TYW1B: variants seen among roughly 807,000 people sequenced by gnomAD.
TYW1B encodes S-adenosyl-L-methionine-dependent tRNA 4-demethylwyosine synthase TYW1B.
Under a neutral mutation model 86.9 loss-of-function variants are expected in TYW1B, and 73 were observed. The ratio of observed to expected loss-of-function variants is 0.84; its 90% CI spans 0.70 to 1.02. TYW1B has a LOEUF of 1.02. Among genes scored for constraint, TYW1B ranks in the 50% least tolerant of loss-of-function variants. TYW1B has a pLI of 0.00. For missense variants in TYW1B, 637 were observed against 827.4 expected (o/e 0.77, Z 2.82); for synonymous variants, 248 against 292.8 (o/e 0.85, Z 1.56).
intron 13 of TYW1B, among the ~76,000 whole-genome samples, chr7:72,598,331 A>G (rs1271358181): frequency 6.6e-6 from 1 of 152,078 alleles, no homozygotes; most frequent in Non-Finnish European, 1.5e-5. Flanking sequence ...CTCAGCTTGC[A>G]GACAGCTTAT....
chr7:72,744,483 C>T lies in TYW1B; in HGVS notation c.1082+1G>A, dbSNP rs782566385. On this transcript the variant is annotated splice_donor_variant, in intron 8 of 13. Coordinates refer to ENST00000620995, the MANE Select transcript of TYW1B (RefSeq NM_001145440.3). LOFTEE classifies it high-confidence loss of function. ...CACCATGACCTTTCATTTTTACTTACCACCAACAGAAGACACATTTATTAG... is the reference window on the plus strand; with the variant it reads ...CACCATGACCTTTCATTTTTACTTATCACCAACAGAAGACACATTTATTAG... 1 of 1,613,470 alleles carries T rather than the reference C, an allele frequency of 6.2e-7. No homozygotes were observed. The highest frequency in any genetic ancestry group is 8.5e-7 in the Non-Finnish European group (1 of 1,179,488).
chr7:72,778,319 T>C (rs1305015284), intron 6 of TYW1B, among the ~76,000 whole-genome samples: 5 of 152,210 alleles, frequency 3.3e-5, no homozygotes, highest in Non-Finnish European at 5.9e-5. Flanking sequence ...CAACAAATTA[T>C]AGCTGCTGCT....
At chr7:72,799,102 C>G (rs1554475145) in intron 6 of TYW1B, among the ~76,000 whole-genome samples, 3 of 149,346 alleles carry the variant, frequency 2.0e-5, no homozygotes, top group African/African-American at 7.4e-5. Context: ...CTTGGCCTCT[C>G]AAAGGGTTGG....
chr7:72,806,894 A>AC (rs1788505803), intron 5 of TYW1B, among the ~76,000 whole-genome samples, 172 bp downstream of exon 5: 1 of 150,362 alleles, frequency 6.7e-6, no homozygotes, highest in African/African-American at 2.5e-5. Context: ...CTCAAGCAAT[A>AC]CCCCCACCTT....
chr7:72,776,584 T>C (rs1554470606), intron 7 of TYW1B, among the ~76,000 whole-genome samples: 1 of 69,278 alleles, frequency 1.4e-5, no homozygotes, highest in Non-Finnish European at 3.2e-5. Flanking sequence ...AAAAAAGAGG[T>C]ATAGTGTAAA....
chr7:72,725,952 C>G (rs1356600220), intron 9 of TYW1B, among the ~76,000 whole-genome samples: 1 of 152,006 alleles, frequency 6.6e-6, no homozygotes, highest in Non-Finnish European at 1.5e-5. Context: ...TCTGGAGAAG[C>G]CTAACACACT....
chr7:72,636,690 CTTTT>C (rs1334443851), intron 11 of TYW1B, among the ~76,000 whole-genome samples: 3 of 148,482 alleles, frequency 2.0e-5, no homozygotes, highest in Admixed American at 6.6e-5. Context: ...TACCAGCTTT[CTTTT>C]TTATTATGAC....
At chr7:72,606,427 T>C (rs2129568177) in intron 13 of TYW1B, among the ~76,000 whole-genome samples, 1 of 152,172 alleles carries the variant, frequency 6.6e-6, no homozygotes, top group African/African-American at 2.4e-5. Context: ...TCAGAGAAGG[T>C]GAGTGGGGAA....
At chr7:72,819,056 AT>A (rs1788779583) in intron 2 of TYW1B, among the ~76,000 whole-genome samples, 1 of 152,168 alleles carries the variant, frequency 6.6e-6, no homozygotes, top group Admixed American at 6.6e-5. Context: ...ATAAAGTGAG[AT>A]TTGAGCCAAA....
intron 6 of TYW1B, among the ~76,000 whole-genome samples, chr7:72,785,385 CTAATTCTAATTATA>C (rs1554472263): frequency 2.0e-5 from 3 of 146,366 alleles, no homozygotes; most frequent in African/African-American, 5.0e-5. Context: ...AAGTTATATT[CTAATTCTAATTATA>C]TAATTCTAAT....
intron 11 of TYW1B, among the ~76,000 whole-genome samples, chr7:72,692,690 T>C (rs1814200422): frequency 6.6e-6 from 1 of 152,132 alleles, no homozygotes. Flanking sequence ...GGGCAGCTAA[T>C]TGTAATCAGA....
intron 8 of TYW1B, among the ~76,000 whole-genome samples, chr7:72,735,362 G>A (rs2129571174): frequency 6.6e-6 from 1 of 152,222 alleles, no homozygotes; most frequent in East Asian, 1.9e-4. Context: ...TTGAGGTCAG[G>A]AGTTTGAAGC....
chr7:72,699,610 A>C (rs1193437671), intron 10 of TYW1B, among the ~76,000 whole-genome samples: 11 of 151,414 alleles, frequency 7.3e-5, no homozygotes, highest in Non-Finnish European at 1.6e-4. Flanking sequence ...ACCTCAAAGT[A>C]GAATCTGACT....
At chr7:72,694,180 C>G (rs1194620916) in intron 11 of TYW1B, among the ~76,000 whole-genome samples, 1 of 152,148 alleles carries the variant, frequency 6.6e-6, no homozygotes, top group African/African-American at 2.4e-5. Flanking sequence ...CCAGGCTGGT[C>G]TTGAACTCCT....
At chr7:72,652,759 G>T (rs2844167) in intron 11 of TYW1B, among the ~76,000 whole-genome samples, 3 of 152,066 alleles carry the variant, frequency 2.0e-5, no homozygotes, top group Admixed American at 1.3e-4. Context: ...ATATTAACAT[G>T]TGGAGTTGTA....
Position 72,670,025 on chromosome 7 carries a change from G to A in TYW1B, c.1506+24662C>T, listed in dbSNP as rs562478648. On this transcript the variant is annotated intron_variant, in intron 11 of 13. Transcript: ENST00000620995. Reference sequence around the variant, plus strand: ...ACATGCCTGTAGTCTCAGCTGCTCCGGCAGCTGAGGTGGGAGGATTGTTTG... The same window carrying A: ...ACATGCCTGTAGTCTCAGCTGCTCCAGCAGCTGAGGTGGGAGGATTGTTTG... Among the ~76,000 whole-genome samples, 16 of 152,096 alleles carry A rather than the reference G, an allele frequency of 1.1e-4. 1 individual carries two copies. The South Asian group carries it at 2.3e-3, about 22-fold the overall frequency.
intron 9 of TYW1B, among the ~76,000 whole-genome samples, chr7:72,723,493 G>A (rs1450585140): frequency 6.6e-6 from 1 of 152,086 alleles, no homozygotes; most frequent in Non-Finnish European, 1.5e-5. Context: ...AAGGCCAGGT[G>A]CAGTGGTTCA....
intron 11 of TYW1B, among the ~76,000 whole-genome samples, chr7:72,640,762 A>G (rs1812783335): frequency 1.3e-5 from 2 of 152,164 alleles, no homozygotes; most frequent in Non-Finnish European, 2.9e-5. Flanking sequence ...CTCAGTAACC[A>G]ATAACATAAG....
At chr7:72,827,277 G>A (rs1788950444) in intron 1 of TYW1B, among the ~76,000 whole-genome samples, 2 of 151,952 alleles carry the variant, frequency 1.3e-5, no homozygotes, top group Non-Finnish European at 2.9e-5. Context: ...GCATGGTGGC[G>A]CGCGCCTGTA....
Sources: gnomAD v4.1 joint callset for allele counts (sites outside exome capture counted in the v4.1 genomes callset) on GRCh38, gnomAD v4.1.1 for gene constraint, MANE v1.5 for transcripts, NCBI Gene and HGNC (gene_info 2026-07-23, HGNC 2026-07-21) for gene names.